Variants in NALCN observed in about 807,000 individuals in gnomAD.
NALCN encodes the protein sodium leak channel NALCN.
Under a neutral mutation model 225.3 loss-of-function variants are expected in NALCN, and 111 were observed. The ratio of observed to expected loss-of-function variants is 0.49; its 90% confidence interval spans 0.42 to 0.58. The LOEUF (loss-of-function observed/expected upper bound fraction) is 0.58. Among genes scored for constraint, NALCN ranks in the 20% least tolerant of loss-of-function variants. NALCN has a pLI of 0.00. For synonymous variants in NALCN, 764 were observed against 769.0 expected, an observed-to-expected ratio of 0.99 and a Z score of 0.11; for missense variants, 1,378 against 2,202.4, an observed-to-expected ratio of 0.63 and a Z score of 7.49.
In NALCN at chr13:101,264,977, A is replaced by G. The variant is rs187310653; in HGVS notation, c.1135-6403T>C. Among the ~76,000 whole-genome samples the G allele has an allele frequency of 2.8e-3, 430 of 152,342 alleles. 1 individual carries two copies. Among genetic ancestry groups the G allele is most frequent in the Non-Finnish European group, 3.5e-3 (236 of 68,030 alleles). On this transcript the variant is annotated intron_variant, in intron 10 of 43. Coordinates refer to ENST00000251127, the MANE Select transcript of NALCN (RefSeq NM_052867.4). ...CAGGTGGCCTCCAGGATGTGAAAAAAGCAAGGAAGCCATTTCTTCTCCAGA... is the reference window on the plus strand; with the variant it reads ...CAGGTGGCCTCCAGGATGTGAAAAAGGCAAGGAAGCCATTTCTTCTCCAGA...
intron 17 of NALCN, among the ~76,000 whole-genome samples, chr13:101,132,674 A>G (rs2036576095): frequency 6.6e-6 from 1 of 152,108 alleles, no homozygotes; most frequent in Non-Finnish European, 1.5e-5. Flanking sequence ...TAAGTTGTCT[A>G]AGTTCACTCA....
chr13:101,285,273 TCA>T (rs1304436263), intron 9 of NALCN, among the ~76,000 whole-genome samples: 9 of 152,240 alleles, frequency 5.9e-5, no homozygotes, highest in African/African-American at 2.2e-4. Flanking sequence ...TTGCCAAAAA[TCA>T]CAGTCCCTAT....
rs2031414285 is a variant in NALCN, at chr13:101,057,533, G to A, written c.5023+406C>T. 3 of 236,082 alleles carry A rather than the reference G, an allele frequency of 1.3e-5. No individual in the cohort carries two copies. In the South Asian group the frequency reaches 1.6e-4, roughly 12 times the overall value. The allele number at this position is 236,082 out of a possible 1,614,324, so 14.6% of individuals were successfully genotyped here. A position where few individuals can be genotyped will look rare whatever the true frequency, so the allele number is the denominator to read the frequency against. On this transcript the variant is annotated intron_variant, in intron 43 of 43. Transcript: ENST00000251127. ...GCAAAGTGTGCTGAGAGAAATCGGG[G>A]GCCTGTCCCTTTTTTGAGAACTTCG...
At chr13:101,361,728 T>C (rs1208785415) in intron 6 of NALCN, among the ~76,000 whole-genome samples, 1 of 152,114 alleles carries the variant, frequency 6.6e-6, no homozygotes, top group African/African-American at 2.4e-5. Flanking sequence ...AGTGAGAAAA[T>C]AACATACAGC....
At chr13:101,415,029 T>C (rs2047894714) in intron 1 of NALCN, among the ~76,000 whole-genome samples, 1 of 151,516 alleles carries the variant, frequency 6.6e-6, no homozygotes, top group Admixed American at 6.6e-5. Context: ...AGTAAATGTT[T>C]CTCGTTGCAG....
At chr13:101,117,580 A>G (rs1454207205) in intron 18 of NALCN, among the ~76,000 whole-genome samples, 1 of 152,248 alleles carries the variant, frequency 6.6e-6, no homozygotes, top group Non-Finnish European at 1.5e-5. Context: ...CCATGGTTCT[A>G]TCTTTCCCAG....
chr13:101,070,301 C>T (rs1048115570), intron 37 of NALCN, among the ~76,000 whole-genome samples: 2 of 152,018 alleles, frequency 1.3e-5, no homozygotes, highest in Admixed American at 6.5e-5. Flanking sequence ...CTCCTGACCT[C>T]GTGATCCACC....
chr13:101,343,664 G>A (rs1031076089), intron 7 of NALCN, among the ~76,000 whole-genome samples: 2 of 152,206 alleles, frequency 1.3e-5, no homozygotes, highest in Admixed American at 1.3e-4. Flanking sequence ...TACAGCTATA[G>A]TAAGATAATT....
chr13:101,148,878 AG>A (rs2037490047), intron 15 of NALCN, among the ~76,000 whole-genome samples: 1 of 152,248 alleles, frequency 6.6e-6, no homozygotes, highest in Non-Finnish European at 1.5e-5. Context: ...TAAATTTGTT[AG>A]TGTGGAGTAT....
rs9513867 is a variant in NALCN, at chr13:101,197,150, C to T, written c.1627-5096G>A. Among the ~76,000 whole-genome samples, 338 of 152,204 alleles carry T rather than the reference C, an allele frequency of 2.2e-3. 3 individuals are homozygous for T. The highest frequency in any genetic ancestry group is 6.8e-3 in the Middle Eastern group (2 of 294). ...TATCACTTTCCAGGGCTCTGCATAGCCCTTTGGCCACAGACTTCACAGATT... is the reference window on the plus strand; with the variant it reads ...TATCACTTTCCAGGGCTCTGCATAGTCCTTTGGCCACAGACTTCACAGATT... On this transcript the variant is annotated intron_variant, in intron 13 of 43. Transcript: ENST00000251127.
At chr13:101,063,690 G>C (rs1044725151) in intron 40 of NALCN, among the ~76,000 whole-genome samples, 1 of 151,960 alleles carries the variant, frequency 6.6e-6, no homozygotes, top group African/African-American at 2.4e-5. Context: ...TAACTTGAGA[G>C]AACTTTTCCC....
At chr13:101,340,713 C>A (rs961984975) in intron 7 of NALCN, among the ~76,000 whole-genome samples, 1 of 152,166 alleles carries the variant, frequency 6.6e-6, no homozygotes, top group Non-Finnish European at 1.5e-5. Context: ...GTGCTTCAAG[C>A]AAACTTTACC....
At position 101,103,331 on chromosome 13, in the gene NALCN, C is replaced by T; in HGVS notation, c.2898G>A (p.Leu966=). The change falls in exon 26 of 44, where the codon TTG becomes TTA. Residue 966 remains leucine, a synonymous_variant. Transcript: ENST00000251127. ...TTTGAGGCATCCAACAAAGAAATAT[C>T]AAGCTCACCTAAAGGGGAACAAATG... ...VMDIFIYLVS[L]IFLCWMPQNV... is the part of the protein sequence containing the mutation. 1 of 1,610,720 alleles carries T rather than the reference C, an allele frequency of 6.2e-7. No homozygotes were observed. Among genetic ancestry groups the T allele is most frequent in the Non-Finnish European group, 8.5e-7 (1 of 1,179,006 alleles).
At chr13:101,344,992 A>G (rs1566598748) in intron 7 of NALCN, among the ~76,000 whole-genome samples, 1 of 152,194 alleles carries the variant, frequency 6.6e-6, no homozygotes, top group Non-Finnish European at 1.5e-5. Context: ...AATATTTTTA[A>G]ATGCTTAAAT....
chr13:101,308,131 C>T (rs1452523022), intron 7 of NALCN, among the ~76,000 whole-genome samples: 1 of 151,978 alleles, frequency 6.6e-6, no homozygotes, highest in African/African-American at 2.4e-5. Context: ...AATTTCATGG[C>T]TTCATTTTTG....
At chr13:101,193,465 C>A (rs1353471377) in intron 13 of NALCN, among the ~76,000 whole-genome samples, 3 of 152,126 alleles carry the variant, frequency 2.0e-5, no homozygotes, top group Non-Finnish European at 4.4e-5. Context: ...AAATGAACCA[C>A]GAACTAGAAG....
chr13:101,230,022 A>G (rs2041284757), intron 12 of NALCN, among the ~76,000 whole-genome samples: 1 of 152,194 alleles, frequency 6.6e-6, no homozygotes, highest in Non-Finnish European at 1.5e-5. Flanking sequence ...TTCAATGTAT[A>G]CACACTTTGT....
intron 32 of NALCN, 89 bp downstream of exon 32, chr13:101,083,002 AC>A: frequency 6.5e-7 from 1 of 1,539,514 alleles, no homozygotes. Context: ...CAAGAACATA[AC>A]CGTGAATGCA....
At chr13:101,310,783 T>C (rs186595852) in intron 7 of NALCN, among the ~76,000 whole-genome samples, 102 of 152,182 alleles carry the variant, frequency 6.7e-4, no homozygotes, top group Middle Eastern at 3.4e-3. Flanking sequence ...TATTTTCCCA[T>C]ATAATCAATT....
Sources: allele counts gnomAD v4.1 joint callset (sites outside exome capture counted in the v4.1 genomes callset), GRCh38; gene constraint gnomAD v4.1.1; transcripts MANE v1.5; gene names NCBI Gene and HGNC (gene_info 2026-07-23, HGNC 2026-07-21).